The following SIL1 variants were observed in gnomAD, a reference collection of about 807,000 sequenced individuals.
SIL1 encodes the protein SIL1 nucleotide exchange factor, also known as nucleotide exchange factor SIL1.
In SIL1, 40 loss-of-function variants were observed where a neutral mutation model predicts 49.1. The observed-to-expected ratio is 0.81, with a 90% CI of 0.63 to 1.06. The LOEUF is 1.06. Ranked by LOEUF, SIL1 falls within the 50% of genes least tolerant of loss-of-function variation. SIL1 has a pLI of 0.00. For synonymous variants in SIL1, 253 were observed against 250.8 expected (o/e 1.01, Z -0.08); for missense variants, 500 against 572.6 (o/e 0.87, Z 1.29).
At chr5:139,019,111 G>A (rs1238969159) in intron 7 of SIL1, among the ~76,000 whole-genome samples, 1 of 152,198 alleles carries the variant, frequency 6.6e-6, no homozygotes, top group Non-Finnish European at 1.5e-5. Context: ...ATTCCAGAGT[G>A]CTCACTATCA....
intron 2 of SIL1, among the ~76,000 whole-genome samples, chr5:139,124,202 G>A (rs1750710786): frequency 6.6e-6 from 1 of 152,190 alleles, no homozygotes; most frequent in Admixed American, 6.5e-5. Context: ...GTAGGCTGAT[G>A]TTCATTTTAA....
At chr5:139,056,745 C>A (rs913374143) in intron 3 of SIL1, among the ~76,000 whole-genome samples, 4 of 151,552 alleles carry the variant, frequency 2.6e-5, no homozygotes, top group African/African-American at 9.7e-5. Context: ...AGGTGAGGGG[C>A]GCCTCTGCCT....
intron 1 of SIL1, among the ~76,000 whole-genome samples, chr5:139,183,781 A>AAGCCACATGCTGTCATGACACATGAC (rs1752033083): frequency 6.6e-6 from 1 of 152,204 alleles, no homozygotes; most frequent in Non-Finnish European, 1.5e-5. Context: ...CCTACATGCC[A>AAGCCACATGCTGTCATGACACATGAC]AGCCACATGC....
intron 7 of SIL1, among the ~76,000 whole-genome samples, chr5:138,982,506 G>C (rs774717673): frequency 5.3e-5 from 8 of 152,204 alleles, no homozygotes; most frequent in Non-Finnish European, 1.2e-4. Flanking sequence ...ACAACAACTG[G>C]CAGTGATACA....
At chr5:139,093,496 C>T (rs994737653) in intron 3 of SIL1, among the ~76,000 whole-genome samples, 1 of 152,188 alleles carries the variant, frequency 6.6e-6, no homozygotes, top group African/African-American at 2.4e-5. Context: ...AATAACCTGA[C>T]ACAATCTCCA....
At chr5:139,081,884 A>C (rs1770088484) in intron 3 of SIL1, among the ~76,000 whole-genome samples, 1 of 152,078 alleles carries the variant, frequency 6.6e-6, no homozygotes, top group South Asian at 2.1e-4. Context: ...GTCTTAAAAA[A>C]AAAAAACAAA....
At position 138,969,399 on chromosome 5, in the gene SIL1, C is replaced by T. The variant is rs150883454; in HGVS notation, c.768-17515G>A. 8.8e-3 allele frequency among the ~76,000 whole-genome samples: 1,341 copies of T among 152,364 alleles called. 16 individuals are homozygous for T. Among genetic ancestry groups the T allele is most frequent in the Middle Eastern group, 0.02 (6 of 294 alleles). On this transcript the variant is annotated intron_variant, in intron 7 of 9. Transcript: ENST00000394817. ...CTGGCTGAAGACTGGAAACTGTAGG[C>T]TAGAGCTCCTGCTTTCCTTTCTGGG...
At chr5:139,113,847 T>C (rs762722589) in intron 3 of SIL1, among the ~76,000 whole-genome samples, 12 of 152,222 alleles carry the variant, frequency 7.9e-5, no homozygotes, top group African/African-American at 2.7e-4. Flanking sequence ...TTTTGGCAGC[T>C]AGTTTTCCAT....
At chr5:138,959,790 G>A (rs912623679) in intron 7 of SIL1, among the ~76,000 whole-genome samples, 2 of 152,198 alleles carry the variant, frequency 1.3e-5, no homozygotes, top group African/African-American at 4.8e-5. Context: ...ACAGTCCAAT[G>A]GGCCTGGCTG....
In SIL1 at chr5:139,161,674, A is replaced by ATCTTCC. The variant is rs113154677; in HGVS notation, c.-10-33827_-10-33822dup. On this transcript the variant is annotated intron_variant, in intron 1 of 9. Transcript: ENST00000394817. ...TTTTCAAAAGTGACCAGAGTCCCAC[A>ATCTTCC]TCTTCCTTACTCCCAGGAGCTTGGA... Among the ~76,000 whole-genome samples, 715 of 152,294 alleles carry ATCTTCC rather than the reference A, an allele frequency of 4.7e-3. 6 individuals carry two copies. The highest frequency in any genetic ancestry group is 0.014 in the African/African-American group (571 of 41,552).
At chr5:139,167,059 G>A (rs112721210) in intron 1 of SIL1, among the ~76,000 whole-genome samples, 4,692 of 152,144 alleles carry the variant, frequency 0.031, 249 homozygotes, top group African/African-American at 0.11. Flanking sequence ...TGATCCACCC[G>A]CCTCAGCCTC....
At chr5:139,065,645 T>G (rs939532302) in intron 3 of SIL1, among the ~76,000 whole-genome samples, 1 of 152,118 alleles carries the variant, frequency 6.6e-6, no homozygotes, top group Non-Finnish European at 1.5e-5. Flanking sequence ...CTGTGCACAC[T>G]TCCAACAAGC....
chr5:139,085,676 T>G (rs979524072), intron 3 of SIL1, among the ~76,000 whole-genome samples: 2 of 151,936 alleles, frequency 1.3e-5, no homozygotes, highest in Admixed American at 6.6e-5. Flanking sequence ...TGGAGGGAAA[T>G]TATCATAAGG....
At chr5:138,950,364 T>C (rs554862458) in intron 9 of SIL1, among the ~76,000 whole-genome samples, 2 of 151,818 alleles carry the variant, frequency 1.3e-5, no homozygotes, top group African/African-American at 2.4e-5. Context: ...AGACAGAGAG[T>C]TGGGGAGAGA....
intron 1 of SIL1, among the ~76,000 whole-genome samples, chr5:139,185,116 T>C (rs1461969922): frequency 6.6e-6 from 1 of 152,180 alleles, no homozygotes; most frequent in Non-Finnish European, 1.5e-5. Context: ...CATGTCTGTG[T>C]GGGTTTTCTC....
At chr5:139,180,381 C>CAAAAA (rs35534058) in intron 1 of SIL1, among the ~76,000 whole-genome samples, 19 of 57,048 alleles carry the variant, frequency 3.3e-4, no homozygotes, top group African/African-American at 7.4e-4. Context: ...AACTCCATCT[C>CAAAAA]AAAAAAAAAA....
At chr5:138,955,661 C>T (rs1454181383) in intron 7 of SIL1, among the ~76,000 whole-genome samples, 2 of 152,206 alleles carry the variant, frequency 1.3e-5, no homozygotes, top group Non-Finnish European at 2.9e-5. Context: ...TGACTTCACC[C>T]TTGGGCTCAG....
At chr5:139,058,585 AT>A (rs887964059) in intron 3 of SIL1, among the ~76,000 whole-genome samples, 5 of 152,184 alleles carry the variant, frequency 3.3e-5, no homozygotes, top group Admixed American at 2.0e-4. Flanking sequence ...GTATGAACTC[AT>A]GGATATTTTA....
At chr5:139,049,826 C>T (rs1769248817) in intron 4 of SIL1, among the ~76,000 whole-genome samples, 1 of 151,562 alleles carries the variant, frequency 6.6e-6, no homozygotes, top group East Asian at 2.0e-4. Context: ...TCATCATCAT[C>T]ATCCAAGGAC....
Sources: gnomAD v4.1 joint callset for allele counts (sites outside exome capture counted in the v4.1 genomes callset) on GRCh38, gnomAD v4.1.1 for gene constraint, MANE v1.5 for transcripts, NCBI Gene and HGNC (gene_info 2026-07-23, HGNC 2026-07-21) for gene names.